GPC5: variants seen among roughly 807,000 people sequenced by gnomAD.
The protein encoded by GPC5 is glypican 5, also known as glypican-5.
In GPC5, 47 loss-of-function variants were observed where a neutral mutation model predicts 53.9. The observed-to-expected ratio is 0.87, with a 90% confidence interval of 0.69 to 1.11. The LOEUF (loss-of-function observed/expected upper bound fraction) is 1.11, where lower values mean the gene tolerates loss of function less well. GPC5 is among the 50% of genes most tolerant of loss of function. The probability of loss-of-function intolerance (pLI) is 0.00; values close to 1 mark genes in which losing one functional copy is unlikely to be tolerated. For synonymous variants in GPC5, 286 were observed against 263.3 expected (o/e 1.09, Z -0.84); for missense variants, 748 against 713.1 (o/e 1.05, Z -0.56).
chr13:92,168,339 G>A (rs1324936016), intron 7 of GPC5, among the ~76,000 whole-genome samples: 1 of 152,066 alleles, frequency 6.6e-6, no homozygotes, highest in Non-Finnish European at 1.5e-5. Context: ...TTGGCAAATG[G>A]GATTTAGTTA....
chr13:92,673,762 A>T (rs1358124171), intron 7 of GPC5, among the ~76,000 whole-genome samples: 1 of 152,208 alleles, frequency 6.6e-6, no homozygotes, highest in Non-Finnish European at 1.5e-5. Flanking sequence ...ATTTAAAGAC[A>T]TACCACTGAC....
intron 7 of GPC5, among the ~76,000 whole-genome samples, chr13:92,321,635 A>G (rs2043216698): frequency 6.6e-6 from 1 of 151,524 alleles, no homozygotes; most frequent in Non-Finnish European, 1.5e-5. Context: ...ATACATACAT[A>G]CATACATACA....
At chr13:92,125,966 T>C (rs1288655149) in intron 6 of GPC5, among the ~76,000 whole-genome samples, 2 of 105,120 alleles carry the variant, frequency 1.9e-5, no homozygotes, top group African/African-American at 8.0e-5. Flanking sequence ...TTTTTTTTTT[T>C]TTTTTTTGAG....
chr13:92,311,220 G>A (rs746537047), intron 7 of GPC5, among the ~76,000 whole-genome samples: 8 of 152,128 alleles, frequency 5.3e-5, no homozygotes, highest in Non-Finnish European at 1.2e-4. Context: ...AATTAAAAAT[G>A]TGAAAGAAGG....
At chr13:91,785,462 T>C (rs933362253) in intron 5 of GPC5, among the ~76,000 whole-genome samples, 5 of 152,186 alleles carry the variant, frequency 3.3e-5, no homozygotes, top group Non-Finnish European at 5.9e-5. Context: ...ATCTTGGGGA[T>C]ATCATTCAGA....
intron 6 of GPC5, among the ~76,000 whole-genome samples, chr13:92,012,303 G>A (rs2040668553): frequency 6.6e-6 from 1 of 151,450 alleles, no homozygotes; most frequent in African/African-American, 2.4e-5. Context: ...TAAATACATA[G>A]GAACTTAAAC....
At chr13:92,507,060 C>A (rs1880397641) in intron 7 of GPC5, among the ~76,000 whole-genome samples, 1 of 152,200 alleles carries the variant, frequency 6.6e-6, no homozygotes, top group Non-Finnish European at 1.5e-5. Context: ...CATGCAGCTT[C>A]CTCTGCCTAG....
chr13:92,824,713 G>T, intron 7 of GPC5, among the ~76,000 whole-genome samples: 1 of 74,936 alleles, frequency 1.3e-5, no homozygotes, highest in Non-Finnish European at 2.6e-5. Context: ...AATCTAAATA[G>T]CAAATGCCTT....
chr13:91,900,445 TA>T (rs1324059113), intron 5 of GPC5, among the ~76,000 whole-genome samples: 2 of 152,114 alleles, frequency 1.3e-5, no homozygotes, highest in Non-Finnish European at 2.9e-5. Flanking sequence ...AGTTTAATTT[TA>T]AAATGCATTC....
intron 7 of GPC5, among the ~76,000 whole-genome samples, chr13:92,278,572 TCTTTTGTTGTTCATG>T (rs2042892005): frequency 6.6e-6 from 1 of 152,074 alleles, no homozygotes; most frequent in South Asian, 2.1e-4. Context: ...ATTTATTTTT[TCTTTTGTTGTTCATG>T]CTTTTGGTGT....
chr13:92,033,035 TCGTGTGTG>T (rs1487897955), intron 6 of GPC5, among the ~76,000 whole-genome samples: 2 of 77,836 alleles, frequency 2.6e-5, no homozygotes, highest in African/African-American at 9.3e-5. Flanking sequence ...CTAGTTATTG[TCGTGTGTG>T]TGTGTGTGTG....
chr13:92,399,301 T>G (rs1230615070), intron 7 of GPC5, among the ~76,000 whole-genome samples: 1 of 152,172 alleles, frequency 6.6e-6, no homozygotes, highest in Admixed American at 6.5e-5. Flanking sequence ...TAAACTGTGA[T>G]GAGTATAATA....
chr13:91,830,090 G>A (rs1428039011), intron 5 of GPC5, among the ~76,000 whole-genome samples: 1 of 135,022 alleles, frequency 7.4e-6, no homozygotes, highest in African/African-American at 2.5e-5. Flanking sequence ...TATGGGAGAT[G>A]GGGGTCTATT....
At chr13:92,559,144 C>A (rs980090432) in intron 7 of GPC5, among the ~76,000 whole-genome samples, 1 of 148,078 alleles carries the variant, frequency 6.8e-6, no homozygotes. Context: ...CACCCAGCAA[C>A]GGACGAAAAT....
intron 6 of GPC5, among the ~76,000 whole-genome samples, chr13:91,977,019 A>G (rs1319014271): frequency 6.6e-6 from 1 of 150,704 alleles, no homozygotes; most frequent in Non-Finnish European, 1.5e-5. Flanking sequence ...AGCCTGGATG[A>G]CAGAGCAAGA....
intron 6 of GPC5, among the ~76,000 whole-genome samples, chr13:92,137,566 A>G (rs1212798692): frequency 6.6e-6 from 1 of 152,218 alleles, no homozygotes; most frequent in Non-Finnish European, 1.5e-5. Context: ...TTCATAATGT[A>G]TCTCAAATAA....
At chr13:91,834,558 A>G (rs753180712) in intron 5 of GPC5, among the ~76,000 whole-genome samples, 6 of 152,156 alleles carry the variant, frequency 3.9e-5, no homozygotes, top group Non-Finnish European at 7.4e-5. Context: ...ATATAGACCA[A>G]TGGAACAGAA....
At chr13:91,593,901 C>T (rs1380317652) in intron 2 of GPC5, among the ~76,000 whole-genome samples, 1 of 147,608 alleles carries the variant, frequency 6.8e-6, no homozygotes, top group Admixed American at 6.7e-5. Flanking sequence ...AATGTGCTCT[C>T]ACAAAGAACT....
chr13:92,121,567 A>ATT (rs2041649640), intron 6 of GPC5, among the ~76,000 whole-genome samples: 1 of 152,246 alleles, frequency 6.6e-6, no homozygotes, highest in Non-Finnish European at 1.5e-5. Flanking sequence ...AGCTGTTCCC[A>ATT]TATGCAACTT....
Sources: gnomAD v4.1 joint callset for allele counts (sites outside exome capture counted in the v4.1 genomes callset) on GRCh38, gnomAD v4.1.1 for gene constraint, MANE v1.5 for transcripts, NCBI Gene and HGNC (gene_info 2026-07-23, HGNC 2026-07-21) for gene names.